Variants in HMGXB3 observed in about 807,000 individuals in gnomAD.
HMGXB3 encodes HMG domain-containing protein 3.
Under a neutral mutation model 121.5 loss-of-function variants are expected in HMGXB3, and 45 were observed. The ratio of observed to expected loss-of-function variants is 0.37; its 90% CI spans 0.29 to 0.47. The LOEUF (loss-of-function observed/expected upper bound fraction) is 0.47, where lower values mean the gene tolerates loss of function less well. Ranked by LOEUF, HMGXB3 falls within the 20% of genes least tolerant of loss-of-function variation. The pLI, the probability that HMGXB3 is intolerant of heterozygous loss-of-function variation, is 0.99. For synonymous variants in HMGXB3, 590 were observed against 624.1 expected (o/e 0.95, Z 0.81); for missense variants, 1,376 against 1,602.2 (o/e 0.86, Z 2.41).
intron 6 of HMGXB3, 95 bp downstream of exon 6, chr5:150,018,792 G>A (rs1170812673): frequency 1.7e-6 from 2 of 1,168,404 alleles, no homozygotes; most frequent in Admixed American, 2.9e-5. Context: ...GTTAACATTT[G>A]TTTTTACTGT....
At chr5:150,002,241 G>A (rs1196397030) in intron 1 of HMGXB3, among the ~76,000 whole-genome samples, 1 of 152,096 alleles carries the variant, frequency 6.6e-6, no homozygotes, top group Admixed American at 6.5e-5. Flanking sequence ...GAGGTTTTTT[G>A]TTGTTGTAGT....
intron 6 of HMGXB3, chr5:150,021,943 C>A: frequency 2.1e-6 from 1 of 467,894 alleles, no homozygotes; most frequent in Non-Finnish European, 4.3e-6. Flanking sequence ...GCTTCCTGAC[C>A]GACTTGTTCC....
At chr5:150,003,884 G>T (rs1205273433) in intron 1 of HMGXB3, among the ~76,000 whole-genome samples, 1 of 152,082 alleles carries the variant, frequency 6.6e-6, no homozygotes, top group African/African-American at 2.4e-5. Flanking sequence ...AGCCCAGGAG[G>T]TCAAGACTGT....
At chr5:150,051,148 G>C (rs972714744) in intron 19 of HMGXB3, among the ~76,000 whole-genome samples, 1 of 152,170 alleles carries the variant, frequency 6.6e-6, no homozygotes, top group Non-Finnish European at 1.5e-5. Context: ...CAGATTAGTG[G>C]CAGAGCCCTT....
chr5:150,037,611 A>G, intron 13 of HMGXB3, 84 bp downstream of exon 13: 2 of 1,217,466 alleles, frequency 1.6e-6, no homozygotes, highest in Non-Finnish European at 2.1e-6. Flanking sequence ...TGGCCCTTTG[A>G]GGACTGGGCC....
intron 16 of HMGXB3, among the ~76,000 whole-genome samples, chr5:150,046,891 C>CTT (rs113488618): frequency 0.03 from 4,274 of 143,316 alleles, 209 homozygotes; most frequent in African/African-American, 0.1. Context: ...GCCCAGGCAT[C>CTT]TTTTTTTTTT....
chr5:150,052,024 C>G lies in HMGXB3; in HGVS notation c.3711C>G (p.Phe1237Leu). The G allele has an allele frequency of 6.4e-7, 1 of 1,551,924 alleles. No homozygotes were observed. The highest frequency in any genetic ancestry group is 8.7e-7 in the Non-Finnish European group (1 of 1,147,052). The change falls in exon 20 of 20, where the codon TTC (phenylalanine) becomes TTG (leucine). Residue 1237 changes from phenylalanine (F) to leucine (L), a missense_variant. Physicochemically the swap from Phe to Leu is conservative, Grantham distance 22. Transcript: ENST00000502717. ...ACCTCTACAACCGCCTCATGGACTT[C>G]CTCACCAGCCGCGAAATTGTCAATC... The part of the protein sequence containing the change: ...HYYLYNRLMD[F>L]LTSREIVNRQ...
chr5:150,052,269 G>C lies in HMGXB3; in HGVS notation c.*77G>C, dbSNP rs948380483. The C allele has an allele frequency of 8.3e-7, 1 of 1,211,694 alleles. No individual in the cohort carries two copies. Among genetic ancestry groups the C allele is most frequent in the South Asian group, 1.5e-5 (1 of 67,476 alleles). The allele number at this position is 1,211,694 out of a possible 1,614,324, so 75.1% of individuals were successfully genotyped here. On this transcript the variant is annotated 3_prime_UTR_variant, in exon 20 of 20. Transcript: ENST00000502717. ...TTGCCTGAGGCAGAGCTATCCAGGG[G>C]ACCTGCAGAAGTGGTCTCCTGTGGG...
intron 19 of HMGXB3, 89 bp from the exon 20 acceptor site, chr5:150,051,636 G>T: frequency 9.5e-7 from 1 of 1,053,230 alleles, no homozygotes; most frequent in Non-Finnish European, 1.3e-6. Flanking sequence ...TTCAAAGAGG[G>T]CTGGCTGAGC....
At chr5:150,025,917 G>A (rs560981838) in intron 7 of HMGXB3, among the ~76,000 whole-genome samples, 4 of 151,276 alleles carry the variant, frequency 2.6e-5, no homozygotes, top group South Asian at 2.1e-4. Flanking sequence ...TGCAAGCTCC[G>A]CCTCCCGGGT....
chr5:150,036,630 T>A lies in HMGXB3; in HGVS notation c.1984-6T>A. Reference sequence around the variant, plus strand: ...GTGCTTGGTGATCAATCCACTCTCTTCCCAGGAGGTGAGCTCACCACTCCC... The same window carrying A: ...GTGCTTGGTGATCAATCCACTCTCTACCCAGGAGGTGAGCTCACCACTCCC... On this transcript the variant is annotated splice_polypyrimidine_tract_variant and splice_region_variant and intron_variant, in intron 11 of 19. Coordinates refer to ENST00000502717, the MANE Select transcript of HMGXB3 (RefSeq NM_014983.3). 1 of 1,534,322 alleles carries A rather than the reference T, an allele frequency of 6.5e-7. No individual in the cohort carries two copies. Among genetic ancestry groups the A allele is most frequent in the Non-Finnish European group, 8.8e-7 (1 of 1,137,554 alleles).
At chr5:150,030,617 G>T in intron 9 of HMGXB3, 124 bp from the exon 10 acceptor site, 1 of 712,566 alleles carries the variant, frequency 1.4e-6, no homozygotes. Context: ...AGTCCAGAGG[G>T]CTCATTTGGA....
At chr5:150,009,768 C>G (rs1250019907) in intron 3 of HMGXB3, among the ~76,000 whole-genome samples, 1 of 152,172 alleles carries the variant, frequency 6.6e-6, no homozygotes, top group East Asian at 1.9e-4. Context: ...GCAGCTGAGG[C>G]CTCAGGAGGG....
At chr5:150,026,684 T>C in intron 7 of HMGXB3, 22 bp from the exon 8 acceptor site, 1 of 1,538,852 alleles carries the variant, frequency 6.5e-7, no homozygotes, top group South Asian at 1.2e-5. Context: ...AATTTCCAGA[T>C]TTCTCTTCTT....
chr5:150,030,504 G>T, intron 9 of HMGXB3: 1 of 435,310 alleles, frequency 2.3e-6, no homozygotes, highest in Non-Finnish European at 4.2e-6. Flanking sequence ...CTGATTCATG[G>T]TGTTTCTAAT....
chr5:150,045,768 T>A, intron 16 of HMGXB3, 83 bp downstream of exon 16: 1 of 1,121,908 alleles, frequency 8.9e-7, no homozygotes, highest in Non-Finnish European at 1.3e-6. Flanking sequence ...GATAGCACAG[T>A]GGTAGCGAGA....
chr5:150,011,144 T>C (rs1398101739), intron 4 of HMGXB3, among the ~76,000 whole-genome samples: 1 of 152,170 alleles, frequency 6.6e-6, no homozygotes, highest in Non-Finnish European at 1.5e-5. Context: ...ACAAGAATTT[T>C]CACACAAGAC....
In HMGXB3 at chr5:150,018,603, C is replaced by T; in HGVS notation, c.947C>T (p.Thr316Ile). Residue 316 changes from threonine to isoleucine, a missense_variant, in exon 6 of 20, where the codon ACC becomes ATC. Around this residue, in one of 2 missense-constraint regions of HMGXB3, gnomAD observed 1,116 missense variants for 1,369.0 expected, o/e 0.82. Transcript: ENST00000502717. ...ACCCGCCGGGGCCATGGGACATGCACCAGCCCAGGGTGCTCCTTTACATAT... is the reference window on the plus strand; with the variant it reads ...ACCCGCCGGGGCCATGGGACATGCATCAGCCCAGGGTGCTCCTTTACATAT... ...TYTRRGHGTC[T>I]SPGCSFTYVT... 5 of 1,550,686 alleles carry T rather than the reference C, an allele frequency of 3.2e-6. No individual in the cohort carries two copies. Among genetic ancestry groups the T allele is most frequent in the South Asian group, 1.2e-5 (1 of 83,750 alleles).
chr5:150,028,581 T>C (rs1756301280), intron 9 of HMGXB3, among the ~76,000 whole-genome samples: 1 of 112,254 alleles, frequency 8.9e-6, no homozygotes, highest in East Asian at 2.8e-4. Context: ...TTTTTTTTCC[T>C]CCAGAAACAA....
Sources: gnomAD v4.1 joint callset for allele counts (sites outside exome capture counted in the v4.1 genomes callset) on GRCh38, gnomAD v4.1.1 for gene constraint, gnomAD v4.1.1 regional missense constraint, MANE v1.5 for transcripts, NCBI Gene and HGNC (gene_info 2026-07-23, HGNC 2026-07-21) for gene names.